Variants in NAA16 observed in about 807,000 individuals in gnomAD.
NAA16 encodes the protein NARG1-like protein.
A neutral mutation model predicts 110.3 loss-of-function variants in NAA16; 97 were observed. That is an observed-to-expected ratio of 0.88 (90% CI 0.75 to 1.04). NAA16 has a LOEUF of 1.04. Ranked by LOEUF, NAA16 falls within the 50% of genes least tolerant of loss-of-function variation. The pLI, the probability that NAA16 is intolerant of heterozygous loss-of-function variation, is 0.00. For missense variants in NAA16, 1,017 were observed against 1,005.1 expected (o/e 1.01, Z -0.16); for synonymous variants, 372 against 330.6 (o/e 1.13, Z -1.36).
At chr13:41,323,677 G>A (rs868700694) in intron 5 of NAA16, among the ~76,000 whole-genome samples, 16 of 151,432 alleles carry the variant, frequency 1.1e-4, no homozygotes, top group African/African-American at 3.2e-4. Context: ...AAGAGACGGG[G>A]TCTTGCGATG....
rs551127946 is a variant in NAA16, at chr13:41,337,434, C to T, written c.1014+678C>T. ...GGTGGGCGCCTGTAGTCCCAGCTAC[C>T]CGGAAGCTTGAGGCAGGAGAATGGT... On this transcript the variant is annotated intron_variant, in intron 9 of 19. Transcript: ENST00000379406. 3.3e-5 allele frequency among the ~76,000 whole-genome samples: 5 copies of T among 151,372 alleles called. No homozygotes were observed. The East Asian group carries it at 9.7e-4, about 29-fold the overall frequency.
chr13:41,370,343 A>G (rs932782723), intron 15 of NAA16, among the ~76,000 whole-genome samples: 1 of 152,208 alleles, frequency 6.6e-6, no homozygotes, highest in Non-Finnish European at 1.5e-5. Flanking sequence ...AATGTAGAAA[A>G]AAAGTGCTCT....
chr13:41,335,473 T>A (rs1293376813), intron 8 of NAA16, among the ~76,000 whole-genome samples: 1 of 152,220 alleles, frequency 6.6e-6, no homozygotes, highest in Admixed American at 6.5e-5. Flanking sequence ...AATTTCGTTG[T>A]ATACCAGAGG....
chr13:41,358,592 C>T (rs1298435265), intron 11 of NAA16, 119 bp downstream of exon 11: 2 of 1,478,084 alleles, frequency 1.4e-6, no homozygotes, highest in Non-Finnish European at 1.8e-6. Flanking sequence ...TTCTAATAAT[C>T]CTGTGTAGTT....
intron 9 of NAA16, among the ~76,000 whole-genome samples, chr13:41,345,817 G>A (rs1439145576): frequency 6.6e-6 from 1 of 152,150 alleles, no homozygotes; most frequent in African/African-American, 2.4e-5. Flanking sequence ...CAAGCAATCT[G>A]TTCGCCTCAC....
intron 10 of NAA16, 146 bp from the exon 11 acceptor site, chr13:41,358,158 C>T (rs1361446667): frequency 8.7e-6 from 6 of 692,910 alleles, no homozygotes; most frequent in Middle Eastern, 3.8e-4. Context: ...GAAGTCATAC[C>T]TCTTTCTTTT....
At chr13:41,324,642 G>C (rs2042041012) in intron 5 of NAA16, among the ~76,000 whole-genome samples, 2 of 151,076 alleles carry the variant, frequency 1.3e-5, no homozygotes, top group African/African-American at 4.9e-5. Context: ...CCAAAGTGCT[G>C]GGATTACAGG....
chr13:41,357,578 T>C (rs190825341), intron 10 of NAA16, among the ~76,000 whole-genome samples: 1 of 152,316 alleles, frequency 6.6e-6, no homozygotes, highest in East Asian at 1.9e-4. Context: ...CCTGTTTGTT[T>C]TGATGTAGTG....
At chr13:41,339,771 G>C (rs1348890649) in intron 9 of NAA16, among the ~76,000 whole-genome samples, 1 of 151,864 alleles carries the variant, frequency 6.6e-6, no homozygotes, top group Non-Finnish European at 1.5e-5. Flanking sequence ...TGTTGACCAG[G>C]GTGGTCTCAA....
rs752305311 is a variant in NAA16, at chr13:41,358,474, G to T, written c.1257+1G>T. The T allele has an allele frequency of 6.2e-7, 1 of 1,612,824 alleles. No individual in the cohort carries two copies. Among genetic ancestry groups the T allele is most frequent in the South Asian group, 1.1e-5 (1 of 90,944 alleles). ...CTATATGAAAGCAAAAATTTACAAGGTAAAATCTGAATCCTGTTTTTTGAG... is the reference window on the plus strand; with the variant it reads ...CTATATGAAAGCAAAAATTTACAAGTTAAAATCTGAATCCTGTTTTTTGAG... On this transcript the variant is annotated splice_donor_variant, in intron 11 of 19. Transcript: ENST00000379406. LOFTEE classifies it high-confidence loss of function.
chr13:41,336,362 A>G (rs2042381286), intron 8 of NAA16, among the ~76,000 whole-genome samples: 1 of 152,168 alleles, frequency 6.6e-6, no homozygotes, highest in African/African-American at 2.4e-5. Flanking sequence ...TTTGGCTATC[A>G]CTTGAATATA....
At chr13:41,325,283 T>G (rs1593426551) in intron 5 of NAA16, among the ~76,000 whole-genome samples, 1 of 15,388 alleles carries the variant, frequency 6.5e-5, no homozygotes, top group Non-Finnish European at 1.0e-4. Flanking sequence ...TGGGAAACCA[T>G]AAAATTGTGT....
rs530888143 is a variant in NAA16, at chr13:41,343,399, T to C, written c.1014+6643T>C. Among the ~76,000 whole-genome samples, 5 of 152,334 alleles carry C rather than the reference T, an allele frequency of 3.3e-5. No homozygotes were observed. The South Asian group carries it at 6.2e-4, about 19-fold the overall frequency. Reference sequence around the variant, plus strand: ...GCCACCACGCCTAGCTCTAAGAGCATTTTAAATGTAATTCCTTTCACAGTT... The same window carrying C: ...GCCACCACGCCTAGCTCTAAGAGCACTTTAAATGTAATTCCTTTCACAGTT... On this transcript the variant is annotated intron_variant, in intron 9 of 19. Coordinates refer to ENST00000379406, the MANE Select transcript of NAA16 (RefSeq NM_024561.5).
chr13:41,354,142 A>G (rs981393109), intron 9 of NAA16, among the ~76,000 whole-genome samples: 2 of 152,132 alleles, frequency 1.3e-5, no homozygotes, highest in Non-Finnish European at 2.9e-5. Flanking sequence ...TTGTCCATTG[A>G]ACTTTACTAG....
At chr13:41,314,114 A>G (rs546109678) in intron 1 of NAA16, among the ~76,000 whole-genome samples, 11 of 152,140 alleles carry the variant, frequency 7.2e-5, no homozygotes, top group Admixed American at 2.6e-4. Context: ...CAGTTTCTCT[A>G]TCTAAATGGG....
chr13:41,372,996 G>C (rs2043352849), intron 17 of NAA16, 166 bp downstream of exon 17: 1 of 776,568 alleles, frequency 1.3e-6, no homozygotes, highest in Non-Finnish European at 1.6e-6. Context: ...GGCCCAAGCT[G>C]TCAGTGGGAT....
Position 41,337,854 on chromosome 13 carries a change from A to G in NAA16, c.1014+1098A>G, listed in dbSNP as rs79407177. 2.5e-3 allele frequency among the ~76,000 whole-genome samples: 383 copies of G among 152,328 alleles called. 6 individuals carry two copies. In the East Asian group the frequency reaches 0.06, roughly 24 times the overall value. On this transcript the variant is annotated intron_variant, in intron 9 of 19. Transcript: ENST00000379406. The stretch of plus-strand genomic sequence containing the variant: ...AATGTTGGAAACATCAGTTATAGAT[A>G]TAGCTGATTGGCATTTTCCTACCTG...
chr13:41,336,772 T>C lies in NAA16; in HGVS notation c.1014+16T>C. ...TACAGAAAAGGTAAAATTTGGTATT[T>C]ATTCAGATTTGCTATAGTCTTTTTT... On this transcript the variant is annotated intron_variant, in intron 9 of 19. Transcript: ENST00000379406. 1 of 1,440,184 alleles carries C rather than the reference T, an allele frequency of 6.9e-7. No homozygotes were observed. The highest frequency in any genetic ancestry group is 9.7e-7 in the Non-Finnish European group (1 of 1,035,444). The allele number at this position is 1,440,184 out of a possible 1,614,324, so 89.2% of individuals were successfully genotyped here.
chr13:41,375,345 G>A (rs1466891951), intron 19 of NAA16, 60 bp from the exon 20 acceptor site: 1 of 1,211,818 alleles, frequency 8.3e-7, no homozygotes, highest in East Asian at 2.4e-5. Context: ...TGATTAAAGT[G>A]GTTATTAACT....
Sources: gnomAD v4.1 joint callset for allele counts (sites outside exome capture counted in the v4.1 genomes callset) on GRCh38, gnomAD v4.1.1 for gene constraint, MANE v1.5 for transcripts, NCBI Gene and HGNC (gene_info 2026-07-23, HGNC 2026-07-21) for gene names.